The following MAPKAP1 variants were observed in gnomAD, a reference collection of about 807,000 sequenced individuals.
MAPKAP1 encodes the protein target of rapamycin complex 2 subunit MAPKAP1.
A neutral mutation model predicts 65.7 loss-of-function variants in MAPKAP1; 20 were observed. The observed-to-expected ratio is 0.30, with a 90% confidence interval of 0.21 to 0.44. MAPKAP1 has a LOEUF of 0.44. Among genes scored for constraint, MAPKAP1 ranks in the 20% least tolerant of loss-of-function variants. The pLI is 1.00. For missense variants in MAPKAP1, 423 were observed against 648.0 expected (o/e 0.65, Z 3.77); for synonymous variants, 222 against 244.3 (o/e 0.91, Z 0.85).
At chr9:125,622,085 T>G (rs1161710573) in intron 4 of MAPKAP1, among the ~76,000 whole-genome samples, 3 of 152,056 alleles carry the variant, frequency 2.0e-5, no homozygotes, top group Non-Finnish European at 4.4e-5. Context: ...TTAAAAAAAC[T>G]GGGGCTCATG....
At chr9:125,458,802 G>A (rs1229319879) in intron 10 of MAPKAP1, among the ~76,000 whole-genome samples, 1 of 143,730 alleles carries the variant, frequency 7.0e-6, no homozygotes, top group Non-Finnish European at 1.5e-5. Flanking sequence ...GCCGGGCAGA[G>A]GCGCCCCTCA....
Position 125,486,135 on chromosome 9 carries a change from T to TG in MAPKAP1, c.1067-1553dup, listed in dbSNP as rs1854493959. On this transcript the variant is annotated intron_variant, in intron 8 of 11. Coordinates refer to ENST00000265960, the MANE Select transcript of MAPKAP1 (RefSeq NM_001006617.3). Reference sequence around the variant, plus strand: ...CTAGTATACATGAGTGCTTACCATGTGCCAGGCTTGGTGTTAAGCATTTCA... The same window carrying TG: ...CTAGTATACATGAGTGCTTACCATGTGGCCAGGCTTGGTGTTAAGCATTTCA... Among the ~76,000 whole-genome samples the TG allele has an allele frequency of 1.3e-5, 2 of 152,240 alleles. 1 individual carries two copies. Among genetic ancestry groups the TG allele is most frequent in the South Asian group, 4.1e-4 (2 of 4,832 alleles).
intron 8 of MAPKAP1, among the ~76,000 whole-genome samples, chr9:125,498,263 G>T (rs2089078395): frequency 6.6e-6 from 1 of 152,146 alleles, no homozygotes; most frequent in African/African-American, 2.4e-5. Context: ...CTCTCTCATA[G>T]CATATAAAGA....
intron 4 of MAPKAP1, among the ~76,000 whole-genome samples, chr9:125,589,086 CT>C (rs752238507): frequency 2.0e-4 from 31 of 152,088 alleles, no homozygotes; most frequent in Non-Finnish European, 4.0e-4. Context: ...GTTACTTAAT[CT>C]CTCTATGCTT....
chr9:125,622,932 G>C (rs962519291), intron 4 of MAPKAP1, among the ~76,000 whole-genome samples: 1 of 152,072 alleles, frequency 6.6e-6, no homozygotes, highest in African/African-American at 2.4e-5. Context: ...TCAGTCTGCC[G>C]AATGCCTGCG....
chr9:125,697,249 T>C (rs1476302142), intron 1 of MAPKAP1, among the ~76,000 whole-genome samples: 1 of 152,222 alleles, frequency 6.6e-6, no homozygotes, highest in Non-Finnish European at 1.5e-5. Flanking sequence ...CATTTACAAC[T>C]TCACAATCAC....
intron 11 of MAPKAP1, among the ~76,000 whole-genome samples, chr9:125,443,400 G>A (rs773968484): frequency 6.6e-6 from 1 of 152,140 alleles, no homozygotes; most frequent in Non-Finnish European, 1.5e-5. Flanking sequence ...CCTCGCCCCT[G>A]CTCTGCCACA....
intron 7 of MAPKAP1, among the ~76,000 whole-genome samples, chr9:125,526,020 C>T (rs548898311): frequency 4.6e-5 from 7 of 152,360 alleles, no homozygotes; most frequent in South Asian, 2.1e-4. Flanking sequence ...ACTCCACAAT[C>T]TCTTCAGTGG....
chr9:125,627,350 T>C (rs532652389), intron 4 of MAPKAP1, among the ~76,000 whole-genome samples: 5 of 152,372 alleles, frequency 3.3e-5, no homozygotes, highest in East Asian at 1.9e-4. Context: ...AAAGTTTTTA[T>C]GTAAAAATTA....
At chr9:125,694,328 C>CAA (rs549167983) in intron 1 of MAPKAP1, among the ~76,000 whole-genome samples, 1 of 137,510 alleles carries the variant, frequency 7.3e-6, no homozygotes, top group African/African-American at 2.7e-5. Flanking sequence ...ACTCCATTTC[C>CAA]AAAAAAAAAA....
At chr9:125,535,733 A>C (rs1381003796) in intron 7 of MAPKAP1, among the ~76,000 whole-genome samples, 1 of 152,216 alleles carries the variant, frequency 6.6e-6, no homozygotes, top group Non-Finnish European at 1.5e-5. Context: ...TGCAGTTTAC[A>C]ATCAATATGT....
chr9:125,480,132 G>A (rs571059141), intron 9 of MAPKAP1, among the ~76,000 whole-genome samples: 67 of 152,268 alleles, frequency 4.4e-4, no homozygotes, highest in Middle Eastern at 6.8e-3. Flanking sequence ...GAATGTGAGG[G>A]TGATATCTGC....
chr9:125,527,060 T>G (rs1011508240), intron 7 of MAPKAP1, among the ~76,000 whole-genome samples: 2 of 109,520 alleles, frequency 1.8e-5, no homozygotes, highest in African/African-American at 5.9e-5. Flanking sequence ...ACATGTAGTG[T>G]TTTTTTTGTT....
intron 4 of MAPKAP1, among the ~76,000 whole-genome samples, chr9:125,655,239 C>T (rs183408603): frequency 1.1e-3 from 171 of 151,178 alleles, no homozygotes; most frequent in African/African-American, 3.9e-3. Flanking sequence ...AAATATGAGC[C>T]GAAAAAAAAT....
At chr9:125,446,263 G>C (rs1852710176) in intron 10 of MAPKAP1, among the ~76,000 whole-genome samples, 1 of 152,100 alleles carries the variant, frequency 6.6e-6, no homozygotes, top group Non-Finnish European at 1.5e-5. Flanking sequence ...TCATTATGAT[G>C]TACTAATTGT....
chr9:125,594,794 G>T (rs577414755), intron 4 of MAPKAP1, among the ~76,000 whole-genome samples: 15 of 152,210 alleles, frequency 9.9e-5, no homozygotes, highest in African/African-American at 3.4e-4. Flanking sequence ...CACAGCAGGG[G>T]TTTCATGCTA....
rs141008812 is a variant in MAPKAP1 at position 125,674,270 on chromosome 9, T to C, written c.-69-1627A>G. Among the ~76,000 whole-genome samples the C allele has an allele frequency of 2.6e-3, 394 of 152,234 alleles. 2 individuals carry two copies. Among genetic ancestry groups the C allele is most frequent in the African/African-American group, 8.6e-3 (356 of 41,544 alleles). On this transcript the variant is annotated intron_variant, in intron 1 of 11. Transcript: ENST00000265960. The stretch of plus-strand genomic sequence containing the variant: ...TTAAATAAATGTTAGCTATTAATAA[T>C]AATGATAAAAAATCAATAATTTCAA...
intron 5 of MAPKAP1, among the ~76,000 whole-genome samples, chr9:125,582,634 C>T (rs1831659211): frequency 6.6e-6 from 1 of 152,182 alleles, no homozygotes. Flanking sequence ...GCACTGCTCT[C>T]TCTATTCCTT....
At chr9:125,647,219 T>C (rs1336062240) in intron 4 of MAPKAP1, among the ~76,000 whole-genome samples, 1 of 152,244 alleles carries the variant, frequency 6.6e-6, no homozygotes, top group Non-Finnish European at 1.5e-5. Context: ...TGTATCTTTG[T>C]CTAGGTGTTA....
Sources: allele counts gnomAD v4.1 joint callset (sites outside exome capture counted in the v4.1 genomes callset), GRCh38; gene constraint gnomAD v4.1.1; transcripts MANE v1.5; gene names NCBI Gene and HGNC (gene_info 2026-07-23, HGNC 2026-07-21).